Variants in MAML3 observed in about 807,000 individuals in gnomAD.
MAML3 encodes mastermind-like protein 3.
Under a neutral mutation model 101.9 loss-of-function variants are expected in MAML3, and 27 were observed. The ratio of observed to expected loss-of-function variants is 0.27; its 90% CI spans 0.20 to 0.37. The LOEUF is 0.37. Among genes scored for constraint, MAML3 ranks in the 10% least tolerant of loss-of-function variants. MAML3 has a pLI of 1.00. For missense variants in MAML3, 1,316 were observed against 1,444.9 expected (o/e 0.91, Z 1.45); for synonymous variants, 501 against 555.9 (o/e 0.90, Z 1.39).
intron 1 of MAML3, among the ~76,000 whole-genome samples, chr4:139,928,036 T>A (rs1005056229): frequency 6.6e-6 from 1 of 152,186 alleles, no homozygotes; most frequent in African/African-American, 2.4e-5. Flanking sequence ...TTTATATACA[T>A]ACAGCTATAT....
chr4:140,075,964 G>A (rs1727758906), intron 1 of MAML3, among the ~76,000 whole-genome samples: 1 of 152,090 alleles, frequency 6.6e-6, no homozygotes, highest in Admixed American at 6.5e-5. Flanking sequence ...GTTTTGCCAT[G>A]TTGGCCAGGC....
intron 1 of MAML3, among the ~76,000 whole-genome samples, chr4:139,977,312 C>T (rs1208348463): frequency 6.6e-6 from 1 of 152,154 alleles, no homozygotes; most frequent in East Asian, 1.9e-4. Flanking sequence ...CGGCCCCCGC[C>T]ACAGAGAAGA....
chr4:139,899,157 T>C (rs1189139658), intron 1 of MAML3, among the ~76,000 whole-genome samples: 1 of 152,176 alleles, frequency 6.6e-6, no homozygotes, highest in African/African-American at 2.4e-5. Context: ...TGATCTAGAT[T>C]AATAATTCTG....
At chr4:140,034,356 A>T (rs1000103725) in intron 1 of MAML3, among the ~76,000 whole-genome samples, 2 of 152,226 alleles carry the variant, frequency 1.3e-5, no homozygotes, top group African/African-American at 4.8e-5. Context: ...TAGAAATTTA[A>T]ACTCTTAATA....
chr4:139,852,403 G>GTTTTTTTTTTTTTTGTTGTTTTTTT (rs1731572998), intron 2 of MAML3, among the ~76,000 whole-genome samples: 3 of 68,326 alleles, frequency 4.4e-5, no homozygotes, highest in African/African-American at 2.0e-4. Flanking sequence ...TCAGAAGACT[G>GTTTTTTTTTTTTTTGTTGTTTTTTT]TTTTTTTTTT....
At chr4:139,748,149 G>A (rs1452145063) in intron 2 of MAML3, among the ~76,000 whole-genome samples, 2 of 151,874 alleles carry the variant, frequency 1.3e-5, no homozygotes, top group African/African-American at 2.4e-5. Context: ...ACTGCCCATG[G>A]TATATTCAGC....
At chr4:139,917,441 G>A (rs1047508367) in intron 1 of MAML3, among the ~76,000 whole-genome samples, 2 of 152,136 alleles carry the variant, frequency 1.3e-5, no homozygotes, top group African/African-American at 4.8e-5. Context: ...GGGGAAAGAA[G>A]GCCCCAGAAA....
chr4:140,117,487 T>C (rs1454246917), intron 1 of MAML3, among the ~76,000 whole-genome samples: 1 of 152,140 alleles, frequency 6.6e-6, no homozygotes, highest in Non-Finnish European at 1.5e-5. Flanking sequence ...AATATACAAA[T>C]GCTTAATCAG....
intron 2 of MAML3, among the ~76,000 whole-genome samples, chr4:139,771,787 G>A (rs1342656620): frequency 6.6e-6 from 1 of 152,128 alleles, no homozygotes; most frequent in Non-Finnish European, 1.5e-5. Flanking sequence ...GTGCTTTGAA[G>A]ATGTAGCTTT....
chr4:140,077,391 C>T (rs747818887), intron 1 of MAML3, among the ~76,000 whole-genome samples: 42 of 152,282 alleles, frequency 2.8e-4, no homozygotes, highest in African/African-American at 8.4e-4. Context: ...CTTGCAGCCC[C>T]GCATCAAAGG....
At chr4:139,784,584 C>T (rs188910055) in intron 2 of MAML3, among the ~76,000 whole-genome samples, 1 of 152,240 alleles carries the variant, frequency 6.6e-6, no homozygotes, top group East Asian at 1.9e-4. Flanking sequence ...GTGTGTGGGT[C>T]GCCTTTCTCA....
At chr4:139,957,663 CG>C (rs1733939760) in intron 1 of MAML3, among the ~76,000 whole-genome samples, 1 of 152,196 alleles carries the variant, frequency 6.6e-6, no homozygotes. Context: ...ACCCAACAAA[CG>C]GAGAGTTACT....
rs542556461 is a variant in MAML3, at chr4:140,126,174, TA to T, written c.468+26685del. On this transcript the variant is annotated intron_variant, in intron 1 of 4. Coordinates refer to ENST00000509479, the MANE Select transcript of MAML3 (RefSeq NM_018717.5). ...ATAAAGGACTGTAATAAGCATTGTT[TA>T]AAAAAAAAAAAAAAAAAGGAAGCCA... Among the ~76,000 whole-genome samples the T allele has an allele frequency of 6.9e-3, 923 of 134,728 alleles. 9 individuals are homozygous for T. Among genetic ancestry groups the T allele is most frequent in the African/African-American group, 0.022 (823 of 37,058 alleles). 88.4% of individuals were successfully genotyped at this position (134,728 alleles called of 152,430 possible). A position where few individuals can be genotyped will look rare whatever the true frequency, so the allele number is the denominator to read the frequency against.
intron 1 of MAML3, among the ~76,000 whole-genome samples, chr4:139,943,712 G>A (rs888534988): frequency 9.9e-5 from 15 of 152,108 alleles, no homozygotes; most frequent in Non-Finnish European, 1.9e-4. Context: ...GGATTTACCT[G>A]TTTGGAATAT....
intron 1 of MAML3, among the ~76,000 whole-genome samples, chr4:140,106,075 G>C (rs949948912): frequency 8.0e-6 from 1 of 125,582 alleles, no homozygotes; most frequent in Non-Finnish European, 1.6e-5. Context: ...ATCACTCGTC[G>C]TCTTTACTTC....
rs72948581 is a variant in MAML3 at position 139,851,324 on chromosome 4, C to T, written c.2079+38033G>A. Among the ~76,000 whole-genome samples, 1,153 of 152,332 alleles carry T rather than the reference C, an allele frequency of 7.6e-3. 9 individuals carry two copies. Among genetic ancestry groups the T allele is most frequent in the African/African-American group, 0.026 (1,092 of 41,566 alleles). ...TGTTTGACATCACAGATATAACACG[C>T]CACCTGGACTACTTCCTTCTTCAGG... On this transcript the variant is annotated intron_variant, in intron 2 of 4. Coordinates refer to ENST00000509479, the MANE Select transcript of MAML3 (RefSeq NM_018717.5).
intron 1 of MAML3, among the ~76,000 whole-genome samples, chr4:139,919,058 C>T (rs946300004): frequency 1.3e-5 from 2 of 152,162 alleles, no homozygotes; most frequent in African/African-American, 4.8e-5. Context: ...AGAAATACTA[C>T]AGGTCCCCAA....
intron 1 of MAML3, among the ~76,000 whole-genome samples, chr4:139,947,815 C>T (rs1578612204): frequency 6.6e-6 from 1 of 152,152 alleles, no homozygotes; most frequent in East Asian, 1.9e-4. Flanking sequence ...CTAAAAGCTA[C>T]CACTTGCTGG....
chr4:139,796,067 A>G (rs1730506847), intron 2 of MAML3, among the ~76,000 whole-genome samples: 1 of 152,204 alleles, frequency 6.6e-6, no homozygotes, highest in African/African-American at 2.4e-5. Flanking sequence ...GTCAGGTTTC[A>G]TCAGACATGG....
Sources: allele counts gnomAD v4.1 joint callset (sites outside exome capture counted in the v4.1 genomes callset), GRCh38; gene constraint gnomAD v4.1.1; transcripts MANE v1.5; gene names NCBI Gene and HGNC (gene_info 2026-07-23, HGNC 2026-07-21).